Variants in UGT1A7 observed in about 807,000 individuals in gnomAD.
The protein encoded by UGT1A7 is UDP glucuronosyltransferase family 1 member A7, also known as UDP-glucuronosyltransferase 1A7.
Under a neutral mutation model 45.6 loss-of-function variants are expected in UGT1A7, and 33 were observed. That is an observed-to-expected ratio of 0.72 (90% CI 0.55 to 0.97). UGT1A7 has a LOEUF of 0.97. Among genes scored for constraint, UGT1A7 ranks in the 50% least tolerant of loss-of-function variants. UGT1A7 has a pLI of 0.00. For synonymous variants in UGT1A7, 274 were observed against 250.6 expected, an observed-to-expected ratio of 1.09 and a Z score of -0.88; for missense variants, 684 against 666.2, an observed-to-expected ratio of 1.03 and a Z score of -0.29.
intron 1 of UGT1A7, among the ~76,000 whole-genome samples, chr2:233,745,867 G>A (rs553219755): frequency 6.6e-6 from 1 of 151,648 alleles, no homozygotes; most frequent in African/African-American, 2.4e-5. Flanking sequence ...TGCTGACCAA[G>A]GTTCCAGAAG....
intron 1 of UGT1A7, among the ~76,000 whole-genome samples, chr2:233,742,519 G>A (rs1399638498): frequency 6.6e-6 from 1 of 151,888 alleles, no homozygotes; most frequent in Admixed American, 6.5e-5. Flanking sequence ...ACACGTCACA[G>A]TGCTGCAGAG....
chr2:233,737,711 C>T (rs2078913752), intron 1 of UGT1A7, among the ~76,000 whole-genome samples: 1 of 152,172 alleles, frequency 6.6e-6, no homozygotes, highest in Admixed American at 6.5e-5. Flanking sequence ...GTTCTCCTCT[C>T]CAACACCTCC....
chr2:233,725,063 T>G (rs2077358237), intron 1 of UGT1A7, among the ~76,000 whole-genome samples: 1 of 146,678 alleles, frequency 6.8e-6, no homozygotes, highest in Non-Finnish European at 1.5e-5. Flanking sequence ...GGCGCGCGCC[T>G]GCAATCGCAG....
chr2:233,768,207 T>G lies in UGT1A7; in HGVS notation c.1076-13T>G, dbSNP rs1370777582. ...GATGTAACTGCTGACATCCTCCCTA[T>G]TTTGCATCTCAGGTCACCCGATGAC... is the stretch of plus-strand genomic sequence containing the variant. On this transcript the variant is annotated splice_polypyrimidine_tract_variant and intron_variant, in intron 3 of 4. Transcript: ENST00000373426. 6.2e-7 allele frequency: 1 copy of G among 1,614,218 alleles called. No homozygotes were observed. The highest frequency in any genetic ancestry group is 1.1e-5 in the South Asian group (1 of 91,088).
intron 1 of UGT1A7, among the ~76,000 whole-genome samples, chr2:233,711,847 GC>G: frequency 6.6e-6 from 1 of 152,180 alleles, no homozygotes; most frequent in Non-Finnish European, 1.5e-5. Context: ...CAGCAATCTT[GC>G]CAAGCACAAG....
chr2:233,746,309 C>A (rs1693355389), intron 1 of UGT1A7, among the ~76,000 whole-genome samples: 1 of 151,738 alleles, frequency 6.6e-6, no homozygotes, highest in Admixed American at 6.5e-5. Context: ...CCTTGGAGGG[C>A]CCTGTAGATG....
intron 1 of UGT1A7, among the ~76,000 whole-genome samples, chr2:233,759,538 A>G (rs1009544779): frequency 6.6e-6 from 1 of 152,036 alleles, no homozygotes; most frequent in Non-Finnish European, 1.5e-5. Context: ...TTCTGTTCAC[A>G]TGCGCTCCAG....
chr2:233,762,377 A>G (rs182919265), intron 1 of UGT1A7, among the ~76,000 whole-genome samples: 1 of 152,252 alleles, frequency 6.6e-6, no homozygotes, highest in African/African-American at 2.4e-5. Context: ...ACCAATATGT[A>G]TATAGAAACA....
chr2:233,755,186 G>T, intron 1 of UGT1A7: 2 of 1,186,224 alleles, frequency 1.7e-6, no homozygotes, highest in Non-Finnish European at 2.3e-6. Flanking sequence ...GGTGCCACTT[G>T]AGCGCCAGCT....
chr2:233,700,326 C>T (rs1196966408), intron 1 of UGT1A7, among the ~76,000 whole-genome samples: 1 of 152,172 alleles, frequency 6.6e-6, no homozygotes, highest in Non-Finnish European at 1.5e-5. Flanking sequence ...AAAATTCTGC[C>T]TCTCTTTCAA....
At chr2:233,693,758 G>C in intron 1 of UGT1A7, 2 of 1,614,234 alleles carry the variant, frequency 1.2e-6, no homozygotes, top group Non-Finnish European at 1.7e-6. Context: ...GAAGGTCTCT[G>C]TTTGGCTGTT....
At chr2:233,703,155 C>T (rs1046726596) in intron 1 of UGT1A7, among the ~76,000 whole-genome samples, 1 of 152,038 alleles carries the variant, frequency 6.6e-6, no homozygotes, top group Non-Finnish European at 1.5e-5. Flanking sequence ...TTTTGTATTT[C>T]TTCTTGATTC....
At chr2:233,745,112 G>C (rs1457181143) in intron 1 of UGT1A7, among the ~76,000 whole-genome samples, 1 of 151,730 alleles carries the variant, frequency 6.6e-6, no homozygotes, top group Non-Finnish European at 1.5e-5. Flanking sequence ...TTAATCTGCT[G>C]TTGGCTGAAT....
At chr2:233,693,700 C>T (rs536034017) in intron 1 of UGT1A7, 39 of 1,614,174 alleles carry the variant, frequency 2.4e-5, no homozygotes, top group Non-Finnish European at 2.7e-5. Flanking sequence ...ATGAAGAACT[C>T]GCATCAGCTG....
intron 1 of UGT1A7, among the ~76,000 whole-genome samples, chr2:233,705,561 T>C (rs974874080): frequency 6.6e-6 from 1 of 152,156 alleles, no homozygotes; most frequent in African/African-American, 2.4e-5. Flanking sequence ...ATATTGCTTG[T>C]GGCAAGGGAT....
intron 1 of UGT1A7, among the ~76,000 whole-genome samples, chr2:233,732,436 GTTTTAGGTCTAACA>G (rs2078272762): frequency 1.3e-5 from 2 of 152,194 alleles, no homozygotes; most frequent in Admixed American, 6.5e-5. Context: ...GATTTTTATG[GTTTTAGGTCTAACA>G]TTTGAGTCTT....
intron 4 of UGT1A7, 146 bp from the exon 5 acceptor site, chr2:233,772,116 A>AAAC (rs1252124628): frequency 7.8e-6 from 12 of 1,531,304 alleles, no homozygotes; most frequent in South Asian, 4.9e-5. Context: ...CTGTATCTAA[A>AAAC]AACAACAACA....
chr2:233,691,645 G>T, intron 1 of UGT1A7: 7 of 985,472 alleles, frequency 7.1e-6, no homozygotes, highest in Non-Finnish European at 8.4e-6. Context: ...GGCAGGGCCA[G>T]TGTGACCCTC....
chr2:233,684,472 T>C (rs902470893), intron 1 of UGT1A7, among the ~76,000 whole-genome samples: 2 of 152,168 alleles, frequency 1.3e-5, no homozygotes, highest in Non-Finnish European at 2.9e-5. Context: ...GCTGAGTTTG[T>C]TGTGGCTCAA....
Sources: allele counts gnomAD v4.1 joint callset (sites outside exome capture counted in the v4.1 genomes callset), GRCh38; gene constraint gnomAD v4.1.1; transcripts MANE v1.5; gene names NCBI Gene and HGNC (gene_info 2026-07-23, HGNC 2026-07-21).